ANO10: variants seen among roughly 807,000 people sequenced by gnomAD.
ANO10 encodes the protein anoctamin-10.
ANO10 carries 77 observed loss-of-function variants against 74.7 expected under a neutral mutation model. That is an observed-to-expected ratio of 1.03 (90% CI 0.86 to 1.25). The LOEUF (loss-of-function observed/expected upper bound fraction) is 1.25, where lower values mean the gene tolerates loss of function less well. Ranked by LOEUF, ANO10 falls within the 50% of genes most tolerant of loss-of-function variation. The pLI is 0.00. For missense variants in ANO10, 721 were observed against 778.1 expected (o/e 0.93, Z 0.87); for synonymous variants, 279 against 284.9 (o/e 0.98, Z 0.21).
intron 3 of ANO10, 58 bp from the exon 4 acceptor site, chr3:43,598,724 T>C: frequency 1.5e-6 from 2 of 1,317,076 alleles, no homozygotes; most frequent in Non-Finnish European, 2.1e-6. Context: ...AATATTCCAA[T>C]TACCTGAGAT....
chr3:43,643,683 C>CTTTTT (rs61487906), intron 1 of ANO10, among the ~76,000 whole-genome samples: 36 of 104,662 alleles, frequency 3.4e-4, no homozygotes, highest in Non-Finnish European at 4.8e-4. Flanking sequence ...CTCATCTTTT[C>CTTTTT]TTTTTTTTTT....
At chr3:43,509,070 G>A (rs912617434) in intron 11 of ANO10, among the ~76,000 whole-genome samples, 1 of 151,714 alleles carries the variant, frequency 6.6e-6, no homozygotes, top group South Asian at 2.1e-4. Flanking sequence ...CCTTTGTAGG[G>A]ACACGGATGA....
chr3:43,687,265 A>G (rs2084287794), intron 1 of ANO10, among the ~76,000 whole-genome samples: 2 of 152,180 alleles, frequency 1.3e-5, no homozygotes, highest in South Asian at 4.1e-4. Flanking sequence ...GTCTCTACCA[A>G]AACCAAAAAA....
At chr3:43,411,537 T>G (rs2092665373) in intron 12 of ANO10, among the ~76,000 whole-genome samples, 1 of 152,190 alleles carries the variant, frequency 6.6e-6, no homozygotes, top group Non-Finnish European at 1.5e-5. Flanking sequence ...ATATTTTTCT[T>G]TGGTTCTTTG....
At chr3:43,368,882 C>T (rs2091504983) in intron 12 of ANO10, among the ~76,000 whole-genome samples, 2 of 152,312 alleles carry the variant, frequency 1.3e-5, no homozygotes, top group South Asian at 4.1e-4. Flanking sequence ...GAAGACAGAA[C>T]ATTCCCCAGC....
intron 11 of ANO10, among the ~76,000 whole-genome samples, chr3:43,528,362 A>G (rs1401323598): frequency 6.6e-6 from 1 of 152,200 alleles, no homozygotes; most frequent in African/African-American, 2.4e-5. Flanking sequence ...ATAACTCAAT[A>G]ATCAAACCTG....
intron 11 of ANO10, among the ~76,000 whole-genome samples, chr3:43,470,600 A>T (rs576869641): frequency 4.5e-5 from 4 of 89,528 alleles, no homozygotes; most frequent in African/African-American, 7.0e-5. Context: ...TAATTATTTT[A>T]TTTATTTATT....
At chr3:43,689,347 T>A (rs2084320711) in intron 1 of ANO10, 1 of 152,254 alleles carries the variant, frequency 6.6e-6, no homozygotes, top group East Asian at 1.9e-4. Context: ...CTTCTGTCCG[T>A]AAGTTCCCTA....
chr3:43,564,716 G>C, intron 8 of ANO10, among the ~76,000 whole-genome samples: 2 of 152,286 alleles, frequency 1.3e-5, no homozygotes, highest in African/African-American at 4.8e-5. Flanking sequence ...AGATTTACTA[G>C]GGATGAGTTA....
chr3:43,510,858 G>A (rs1262042312), intron 11 of ANO10, among the ~76,000 whole-genome samples: 2 of 152,044 alleles, frequency 1.3e-5, no homozygotes, highest in African/African-American at 2.4e-5. Flanking sequence ...GTCAGCCAGG[G>A]TTTACATTCT....
intron 1 of ANO10, among the ~76,000 whole-genome samples, chr3:43,674,306 ATT>A (rs2084095783): frequency 6.6e-6 from 1 of 152,140 alleles, no homozygotes; most frequent in Non-Finnish European, 1.5e-5. Flanking sequence ...TACACAGCTA[ATT>A]GTTTACTTAT....
intron 12 of ANO10, among the ~76,000 whole-genome samples, chr3:43,383,978 T>G (rs946505855): frequency 6.6e-6 from 1 of 152,172 alleles, no homozygotes; most frequent in African/African-American, 2.4e-5. Context: ...GAAATCAAAC[T>G]GCTGCTGTTT....
Position 43,598,561 on chromosome 3 carries a change from T to G in ANO10, c.443A>C (p.Gln148Pro). ...KDEKMIPGYP[Q>P]AKLYPGKSLL... ...TGATTTTCCTGGATACAACTTTGCC[T>G]GAGGGTAACCAGGGATCATTTTTTC... The change falls in exon 4 of 13, where the codon CAG (glutamine) becomes CCG (proline). Residue 148 changes from glutamine (Q) to proline (P), a missense_variant. Transcript: ENST00000292246. 1.2e-6 allele frequency: 2 copies of G among 1,613,228 alleles called. No individual in the cohort carries two copies. Among genetic ancestry groups the G allele is most frequent in the Non-Finnish European group, 1.7e-6 (2 of 1,179,678 alleles).
At chr3:43,567,160 C>A (rs2080407148) in intron 7 of ANO10, among the ~76,000 whole-genome samples, 1 of 152,066 alleles carries the variant, frequency 6.6e-6, no homozygotes, top group South Asian at 2.1e-4. Flanking sequence ...ATGAGCAAAG[C>A]CTCCAAGAAA....
intron 2 of ANO10, among the ~76,000 whole-genome samples, chr3:43,602,035 G>A (rs543315799): frequency 7.2e-5 from 11 of 152,310 alleles, no homozygotes; most frequent in Admixed American, 6.5e-4. Context: ...CCTTTAAAGG[G>A]CAACTTTAAG....
At chr3:43,495,236 A>C (rs2076872375) in intron 11 of ANO10, among the ~76,000 whole-genome samples, 1 of 152,138 alleles carries the variant, frequency 6.6e-6, no homozygotes, top group Non-Finnish European at 1.5e-5. Context: ...AAAAACAAAA[A>C]TAATTTCAAA....
intron 12 of ANO10, among the ~76,000 whole-genome samples, chr3:43,417,168 AGC>A (rs2092752220): frequency 6.6e-6 from 1 of 152,232 alleles, no homozygotes. Context: ...TGTAAAGTCC[AGC>A]TGCAGACACA....
At chr3:43,592,598 A>T (rs2081845761) in intron 4 of ANO10, among the ~76,000 whole-genome samples, 1 of 152,220 alleles carries the variant, frequency 6.6e-6, no homozygotes, top group African/African-American at 2.4e-5. Context: ...CCATCTGTAC[A>T]TCACCATGAT....
At chr3:43,384,075 C>T (rs1467956051) in intron 12 of ANO10, among the ~76,000 whole-genome samples, 1 of 151,962 alleles carries the variant, frequency 6.6e-6, no homozygotes, top group Non-Finnish European at 1.5e-5. Context: ...GCAAAGTTTC[C>T]AGATACAAAA....
Sources: gnomAD v4.1 joint callset for allele counts (sites outside exome capture counted in the v4.1 genomes callset) on GRCh38, gnomAD v4.1.1 for gene constraint, MANE v1.5 for transcripts, NCBI Gene and HGNC (gene_info 2026-07-23, HGNC 2026-07-21) for gene names.